GRM5: variants seen among roughly 807,000 people sequenced by gnomAD.
GRM5 encodes the protein metabotropic glutamate receptor 5.
Under a neutral mutation model 83.1 loss-of-function variants are expected in GRM5, and 19 were observed. That is an observed-to-expected ratio of 0.23 (90% confidence interval 0.16 to 0.34). The LOEUF (loss-of-function observed/expected upper bound fraction) is 0.34, where lower values mean the gene tolerates loss of function less well. Ranked by LOEUF, GRM5 falls within the 10% of genes least tolerant of loss-of-function variation. The probability of loss-of-function intolerance (pLI) is 1.00; values close to 1 mark genes in which losing one functional copy is unlikely to be tolerated. For synonymous variants in GRM5, 675 were observed against 633.6 expected (o/e 1.07, Z -0.98); for missense variants, 1,160 against 1,588.3 (o/e 0.73, Z 4.58).
intron 2 of GRM5, among the ~76,000 whole-genome samples, chr11:89,038,210 G>A (rs1396451773): frequency 1.3e-5 from 2 of 151,732 alleles, no homozygotes; most frequent in Non-Finnish European, 2.9e-5. Context: ...ACATTGGGCT[G>A]AAATCACATT....
At chr11:88,756,234 C>T (rs771212870) in intron 3 of GRM5, among the ~76,000 whole-genome samples, 39 of 152,072 alleles carry the variant, frequency 2.6e-4, no homozygotes, top group Non-Finnish European at 3.7e-4. Flanking sequence ...CATGAGTGGT[C>T]ATAAATGGAA....
At chr11:88,667,305 G>C (rs1391766501) in intron 3 of GRM5, among the ~76,000 whole-genome samples, 1 of 152,114 alleles carries the variant, frequency 6.6e-6, no homozygotes, top group African/African-American at 2.4e-5. Flanking sequence ...AGAAAAAAGA[G>C]AATAGAGTAG....
rs75468389 is a variant in GRM5 at position 88,599,127 on chromosome 11, A to G, written c.1395-1775T>C. 9.7e-3 allele frequency among the ~76,000 whole-genome samples: 1,470 copies of G among 152,302 alleles called. 17 individuals are homozygous for G. The highest frequency in any genetic ancestry group is 0.065 in the East Asian group (338 of 5,186). Reference sequence around the variant, plus strand: ...TTGCTTAAATATTGTAAAAATTTGAACCAATTTATATTGTAAGGCTTTTAT... The same window carrying G: ...TTGCTTAAATATTGTAAAAATTTGAGCCAATTTATATTGTAAGGCTTTTAT... On this transcript the variant is annotated intron_variant, in intron 5 of 9. Transcript: ENST00000305447.
intron 2 of GRM5, among the ~76,000 whole-genome samples, chr11:88,889,457 T>G (rs1945102363): frequency 6.6e-6 from 1 of 152,136 alleles, no homozygotes; most frequent in Non-Finnish European, 1.5e-5. Flanking sequence ...TAAAAACACC[T>G]TGTACACTCA....
intron 4 of GRM5, among the ~76,000 whole-genome samples, chr11:88,651,063 G>T (rs1939618446): frequency 6.6e-6 from 1 of 152,016 alleles, no homozygotes; most frequent in African/African-American, 2.4e-5. Context: ...GTAAAGAACA[G>T]ATTCTGAGCA....
chr11:88,575,185 G>C (rs1456552463), intron 7 of GRM5, among the ~76,000 whole-genome samples: 1 of 152,086 alleles, frequency 6.6e-6, no homozygotes, highest in African/African-American at 2.4e-5. Flanking sequence ...TCAACAGGAA[G>C]CTGCCATATT....
chr11:88,682,506 T>A (rs1201717602), intron 3 of GRM5, among the ~76,000 whole-genome samples: 1 of 152,174 alleles, frequency 6.6e-6, no homozygotes, highest in African/African-American at 2.4e-5. Context: ...GATACCTATC[T>A]ACTTAGCTAT....
chr11:88,975,253 G>A (rs1939296511), intron 2 of GRM5, among the ~76,000 whole-genome samples: 1 of 152,176 alleles, frequency 6.6e-6, no homozygotes, highest in Non-Finnish European at 1.5e-5. Context: ...AACCGTGATG[G>A]CAGCCAATTC....
At chr11:88,885,520 G>A (rs1945030961) in intron 2 of GRM5, among the ~76,000 whole-genome samples, 1 of 122,504 alleles carries the variant, frequency 8.2e-6, no homozygotes, top group Non-Finnish European at 1.6e-5. Flanking sequence ...TGGGAGTTAG[G>A]GGACTTTAGA....
At chr11:88,928,481 TA>T (rs879405445) in intron 2 of GRM5, among the ~76,000 whole-genome samples, 4,701 of 98,886 alleles carry the variant, frequency 0.048, 218 homozygotes, top group African/African-American at 0.12. Flanking sequence ...TATATATATA[TA>T]TGTATATATG....
intron 3 of GRM5, among the ~76,000 whole-genome samples, chr11:88,717,634 G>T (rs11021051): frequency 7.3e-5 from 11 of 151,602 alleles, no homozygotes; most frequent in Admixed American, 2.0e-4. Context: ...GCAAAATATC[G>T]TTCTACAACT....
intron 2 of GRM5, among the ~76,000 whole-genome samples, chr11:88,945,582 G>T (rs1938255813): frequency 6.6e-6 from 1 of 151,844 alleles, no homozygotes; most frequent in African/African-American, 2.4e-5. Flanking sequence ...AAATAAAGCT[G>T]CACACCTACA....
intron 3 of GRM5, among the ~76,000 whole-genome samples, chr11:88,692,826 C>T (rs1238187626): frequency 1.9e-4 from 29 of 152,134 alleles, no homozygotes; most frequent in Non-Finnish European, 1.0e-4. Context: ...CTCTTAATTT[C>T]AGGGCCACCC....
At chr11:88,689,346 A>T (rs531732051) in intron 3 of GRM5, among the ~76,000 whole-genome samples, 420 of 152,330 alleles carry the variant, frequency 2.8e-3, no homozygotes, top group South Asian at 6.2e-3. Context: ...GAACAATATG[A>T]CCTTATAGAA....
chr11:88,657,885 A>G (rs1939805194), intron 3 of GRM5, among the ~76,000 whole-genome samples: 1 of 152,116 alleles, frequency 6.6e-6, no homozygotes, highest in Admixed American at 6.6e-5. Context: ...CAGCCTTTAT[A>G]TTCACTGCAG....
At chr11:88,675,242 A>T (rs996406403) in intron 3 of GRM5, among the ~76,000 whole-genome samples, 2 of 151,936 alleles carry the variant, frequency 1.3e-5, no homozygotes, top group South Asian at 2.1e-4. Context: ...TTTAATTGTT[A>T]TGTGCTTCTC....
chr11:88,903,844 G>C (rs7940853), intron 2 of GRM5, among the ~76,000 whole-genome samples: 13 of 152,086 alleles, frequency 8.5e-5, no homozygotes, highest in African/African-American at 3.1e-4. Flanking sequence ...TGACTTTACC[G>C]CTGTGCAATT....
At chr11:88,836,159 C>A (rs891808338) in intron 3 of GRM5, among the ~76,000 whole-genome samples, 9 of 152,198 alleles carry the variant, frequency 5.9e-5, no homozygotes, top group Admixed American at 2.0e-4. Flanking sequence ...AACTCTGGAT[C>A]AGGAAGCAAA....
intron 3 of GRM5, among the ~76,000 whole-genome samples, chr11:88,769,176 C>A (rs1054344563): frequency 2.6e-5 from 4 of 151,964 alleles, no homozygotes; most frequent in Non-Finnish European, 2.9e-5. Flanking sequence ...TGGTGGCAGC[C>A]AGGTTTTCCA....
Sources: allele counts gnomAD v4.1 joint callset (sites outside exome capture counted in the v4.1 genomes callset), GRCh38; gene constraint gnomAD v4.1.1; transcripts MANE v1.5; gene names NCBI Gene and HGNC (gene_info 2026-07-23, HGNC 2026-07-21).